The following ARHGEF17 variants were observed in gnomAD, a reference collection of about 807,000 sequenced individuals.
ARHGEF17 encodes 164 kDa Rho-specific guanine-nucleotide exchange factor.
ARHGEF17 carries 80 observed loss-of-function variants against 174.0 expected under a neutral mutation model. That is an observed-to-expected ratio of 0.46 (90% CI 0.38 to 0.55). The LOEUF (loss-of-function observed/expected upper bound fraction) is 0.55. Among genes scored for constraint, ARHGEF17 ranks in the 20% least tolerant of loss-of-function variants. ARHGEF17 has a pLI of 0.00. For missense variants in ARHGEF17, 2,886 were observed against 2,839.7 expected (o/e 1.02, Z -0.37); for synonymous variants, 1,311 against 1,189.1 (o/e 1.10, Z -2.11).
In ARHGEF17 at chr11:73,308,940, CCCGA is replaced by C. The variant is rs1565182251; in HGVS notation, c.303_306del (p.Arg102ThrfsTer86). ...CGTCTGGACGACGGCTCCGCTGGGA[CCCGA>C]GACGGAGGCGTCTTACCCGCGGCCG... On this transcript the variant is annotated frameshift_variant, in exon 1 of 21. Coordinates refer to ENST00000263674, the MANE Select transcript of ARHGEF17 (RefSeq NM_014786.4). LOFTEE classifies it high-confidence loss of function. 2 of 1,363,694 alleles carry C rather than the reference CCCGA, an allele frequency of 1.5e-6. No individual in the cohort carries two copies. The highest frequency in any genetic ancestry group is 1.9e-6 in the Non-Finnish European group (2 of 1,064,560). The allele number at this position is 1,363,694 out of a possible 1,614,324, so 84.5% of individuals were successfully genotyped here.
intron 1 of ARHGEF17, among the ~76,000 whole-genome samples, chr11:73,313,089 C>G (rs952573130): frequency 6.6e-6 from 1 of 152,228 alleles, no homozygotes; most frequent in African/African-American, 2.4e-5. Flanking sequence ...CTGATTCAGT[C>G]ACTCCCTTTC....
chr11:73,361,267 C>T, intron 12 of ARHGEF17, 106 bp downstream of exon 12: 2 of 1,040,240 alleles, frequency 1.9e-6, no homozygotes, highest in Non-Finnish European at 2.9e-6. Flanking sequence ...TGCTATTGCT[C>T]CTTATGTCTT....
chr11:73,318,756 G>A (rs531436175), intron 1 of ARHGEF17, among the ~76,000 whole-genome samples: 1 of 152,380 alleles, frequency 6.6e-6, no homozygotes, highest in South Asian at 2.1e-4. Context: ...GGGAAGACCT[G>A]TGCTGATTGC....
intron 1 of ARHGEF17, among the ~76,000 whole-genome samples, chr11:73,332,019 A>G (rs1045624574): frequency 6.6e-6 from 1 of 152,130 alleles, no homozygotes; most frequent in African/African-American, 2.4e-5. Flanking sequence ...AGCCCTGCGG[A>G]TATGCCAGCG....
In ARHGEF17 at chr11:73,362,445, G is replaced by T; in HGVS notation, c.4707G>T (p.Pro1569=). The change falls in exon 14 of 21, where the codon CCG becomes CCT. Residue 1569 remains proline (P), a synonymous_variant. Transcript: ENST00000263674. ...CGTCTTCTCGCAGGGAGCCTCCTCC[G>T]TCGCTGAGGAGTCCTCCAGAGACGG... ...LQPRCHREPP[P]SLRSPPETAP... 6.4e-7 allele frequency: 1 copy of T among 1,565,346 alleles called. No homozygotes were observed.
chr11:73,310,821 G>A lies in ARHGEF17; in HGVS notation c.2183G>A (p.Gly728Glu). The stretch of plus-strand genomic sequence containing the variant: ...AGCGAATTGAGCAATGGGGAGGCAG[G>A]GGAGGCCTACAGGTCCCTGAGTGAC... ...GGSELSNGEAGEAYRSLSDPI... is the reference protein window; with the variant it reads ...GGSELSNGEAEEAYRSLSDPI... Residue 728 changes from glycine (G) to glutamate (E), a missense_variant, in exon 1 of 21, where the codon GGG (glycine) becomes GAG (glutamate). This residue lies in a region of ARHGEF17 where 1,728 missense variants were observed against 1,461.2 expected (regional missense o/e 1.18). Coordinates refer to ENST00000263674, the MANE Select transcript of ARHGEF17 (RefSeq NM_014786.4). 1 of 1,612,162 alleles carries A rather than the reference G, an allele frequency of 6.2e-7. No homozygotes were observed. The highest frequency in any genetic ancestry group is 8.5e-7 in the Non-Finnish European group (1 of 1,179,692).
chr11:73,332,101 C>T (rs1276888770), intron 1 of ARHGEF17, among the ~76,000 whole-genome samples: 1 of 152,216 alleles, frequency 6.6e-6, no homozygotes, highest in African/African-American at 2.4e-5. Context: ...GGGACCTGCC[C>T]TCTGAGATTC....
At position 73,365,201 on chromosome 11, in the gene ARHGEF17, G is replaced by C; in HGVS notation, c.5551-189G>C. 1.6e-6 allele frequency: 1 copy of C among 625,180 alleles called. No homozygotes were observed. The highest frequency in any genetic ancestry group is 2.8e-6 in the Non-Finnish European group (1 of 360,974). The allele number at this position is 625,180 out of a possible 1,614,324, so 38.7% of individuals were successfully genotyped here. On this transcript the variant is annotated intron_variant, in intron 18 of 20. Transcript: ENST00000263674. This position sits in a 1 kb window ranked among gnomAD's most constrained non-coding sequence, Gnocchi z 4.9. The stretch of plus-strand genomic sequence containing the variant: ...ATCACTCAAGTTTAATGGGGAAAAA[G>C]CACCTCCATTGTAATTCCTGAGAAC...
In ARHGEF17 at chr11:73,311,048, G is replaced by C; in HGVS notation, c.2410G>C (p.Val804Leu). 1.2e-6 allele frequency: 2 copies of C among 1,614,126 alleles called. No individual in the cohort carries two copies. The highest frequency in any genetic ancestry group is 1.1e-5 in the South Asian group (1 of 91,082). The change falls in exon 1 of 21, where the codon GTT (valine) becomes CTT (leucine). Residue 804 changes from valine to leucine, a missense_variant. Around this residue, in one of 4 missense-constraint regions of ARHGEF17, gnomAD observed 1,728 missense variants for 1,461.2 expected, o/e 1.18. Coordinates refer to ENST00000263674, the MANE Select transcript of ARHGEF17 (RefSeq NM_014786.4). ...KGYQEVIQSI[V>L]QGPGTLGRVV... ...ATATCAGGAGGTTATTCAGAGCATAGTTCAGGGGCCTGGCACCCTGGGGCG... is the reference window on the plus strand; with the variant it reads ...ATATCAGGAGGTTATTCAGAGCATACTTCAGGGGCCTGGCACCCTGGGGCG...
intron 2 of ARHGEF17, among the ~76,000 whole-genome samples, chr11:73,350,464 C>G (rs1865535554): frequency 6.6e-6 from 1 of 152,142 alleles, no homozygotes; most frequent in South Asian, 2.1e-4. Flanking sequence ...TCTGGGTTCT[C>G]CCTGTCACCC....
chr11:73,363,623 C>T, intron 15 of ARHGEF17, 124 bp from the exon 16 acceptor site: 1 of 1,496,104 alleles, frequency 6.7e-7, no homozygotes, highest in Non-Finnish European at 9.1e-7. Flanking sequence ...GGCTGTGGGA[C>T]CTCAGTACCT....
intron 1 of ARHGEF17, among the ~76,000 whole-genome samples, chr11:73,332,335 T>C (rs1279955713): frequency 6.6e-6 from 1 of 150,488 alleles, no homozygotes; most frequent in Non-Finnish European, 1.5e-5. Flanking sequence ...TATATTTCCC[T>C]CCAGGCTTTT....
In ARHGEF17 at chr11:73,308,881, G is replaced by C; in HGVS notation, c.243G>C (p.Ser81=). 3.7e-6 allele frequency: 5 copies of C among 1,357,438 alleles called. No individual in the cohort carries two copies. Among genetic ancestry groups the C allele is most frequent in the Non-Finnish European group, 2.8e-6 (3 of 1,061,102 alleles). The allele number at this position is 1,357,438 out of a possible 1,614,324, so 84.1% of individuals were successfully genotyped here. A position where few individuals can be genotyped will look rare whatever the true frequency, so the allele number is the denominator to read the frequency against. Residue 81 remains serine (S), a synonymous_variant, in exon 1 of 21, where the codon TCG becomes TCC. Transcript: ENST00000263674. ...GCCCGCTCCGCAGCCTCTCGCCGTC[G>C]GTTCGCCAGCTCTCCCGGCGCTTCG... is the stretch of plus-strand genomic sequence containing the variant. ...QPRPLRSLSP[S]VRQLSRRFDA... is the part of the protein sequence containing the mutation.
intron 1 of ARHGEF17, among the ~76,000 whole-genome samples, chr11:73,314,105 G>C (rs951602361): frequency 6.6e-6 from 1 of 152,172 alleles, no homozygotes; most frequent in African/African-American, 2.4e-5. Flanking sequence ...AACCCCTCCT[G>C]CTGTCCCCTT....
At chr11:73,340,880 G>C (rs935241729) in intron 1 of ARHGEF17, among the ~76,000 whole-genome samples, 1 of 152,220 alleles carries the variant, frequency 6.6e-6, no homozygotes, top group Non-Finnish European at 1.5e-5. Context: ...CCAGCCCTGG[G>C]AGGAGGAAGA....
At chr11:73,346,981 C>A in intron 2 of ARHGEF17, 21 bp downstream of exon 2, 1 of 1,587,294 alleles carries the variant, frequency 6.3e-7, no homozygotes, top group Non-Finnish European at 8.6e-7. Flanking sequence ...GGGCCCACTC[C>A]CCTGAGAATG....
At chr11:73,345,726 C>T (rs964462787) in intron 1 of ARHGEF17, among the ~76,000 whole-genome samples, 4 of 152,154 alleles carry the variant, frequency 2.6e-5, no homozygotes, top group African/African-American at 7.2e-5. Flanking sequence ...GGCAGGAACC[C>T]GAGATACGGT....
In ARHGEF17 at chr11:73,353,238, G is replaced by A. The variant is rs187861782; in HGVS notation, c.3453+226G>A. On this transcript the variant is annotated intron_variant, in intron 3 of 20. Coordinates refer to ENST00000263674, the MANE Select transcript of ARHGEF17 (RefSeq NM_014786.4). ...TTGGCCAGACTCTGGCACGGACTCC[G>A]ACCCCAGCCAGACACTGACTCTGAT... 19 of 599,222 alleles carry A rather than the reference G, an allele frequency of 3.2e-5. No homozygotes were observed. In the East Asian group the frequency reaches 4.6e-4, roughly 15 times the overall value. 37.1% of individuals were successfully genotyped at this position (599,222 alleles called of 1,614,324 possible).
intron 1 of ARHGEF17, among the ~76,000 whole-genome samples, chr11:73,315,477 C>T (rs1864913213): frequency 6.6e-6 from 1 of 152,160 alleles, no homozygotes; most frequent in Non-Finnish European, 1.5e-5. Context: ...CTTCTTTCTC[C>T]CCTTTTGGCG....
Sources: gnomAD v4.1 joint callset for allele counts (sites outside exome capture counted in the v4.1 genomes callset) on GRCh38, gnomAD v4.1.1 for gene constraint, gnomAD v4.1.1 regional missense constraint, Gnocchi (gnomAD v3.1) non-coding constraint, MANE v1.5 for transcripts, NCBI Gene and HGNC (gene_info 2026-07-23, HGNC 2026-07-21) for gene names.